The following EBF3 variants were observed in gnomAD, a reference collection of about 807,000 sequenced individuals.
The protein encoded by EBF3 is EBF transcription factor 3.
EBF3 carries 18 observed loss-of-function variants against 77.1 expected under a neutral mutation model. The ratio of observed to expected loss-of-function variants is 0.23; its 90% confidence interval spans 0.16 to 0.35. EBF3 has a LOEUF of 0.35. Among genes scored for constraint, EBF3 ranks in the 10% least tolerant of loss-of-function variants. The probability of loss-of-function intolerance (pLI) is 1.00; values close to 1 mark genes in which losing one functional copy is unlikely to be tolerated. For missense variants in EBF3, 558 were observed against 860.0 expected, an observed-to-expected ratio of 0.65 and a Z score of 4.39; for synonymous variants, 350 against 343.5, an observed-to-expected ratio of 1.02 and a Z score of -0.21.
At chr10:129,893,247 C>G (rs1029498046) in intron 6 of EBF3, among the ~76,000 whole-genome samples, 3 of 152,208 alleles carry the variant, frequency 2.0e-5, no homozygotes, top group Non-Finnish European at 4.4e-5. Flanking sequence ...TCACTATACT[C>G]CACTTGACAA....
intron 6 of EBF3, among the ~76,000 whole-genome samples, chr10:129,920,446 C>G (rs1856213656): frequency 6.6e-6 from 1 of 152,234 alleles, no homozygotes; most frequent in South Asian, 2.1e-4. Flanking sequence ...GGGCTGTCTC[C>G]TGCACCAAGG....
chr10:129,857,400 C>A (rs1333399526), intron 10 of EBF3, among the ~76,000 whole-genome samples: 2 of 152,140 alleles, frequency 1.3e-5, no homozygotes, highest in Admixed American at 1.3e-4. Context: ...GGCCTCCCCC[C>A]TCACAGCCCC....
intron 6 of EBF3, among the ~76,000 whole-genome samples, chr10:129,954,540 T>TAC (rs1858905538): frequency 6.6e-6 from 1 of 152,126 alleles, no homozygotes; most frequent in Non-Finnish European, 1.5e-5. Flanking sequence ...AGAATGTGAT[T>TAC]ACCCTGCCAG....
At chr10:129,884,083 T>C (rs920053904) in intron 6 of EBF3, among the ~76,000 whole-genome samples, 2 of 152,138 alleles carry the variant, frequency 1.3e-5, no homozygotes, top group African/African-American at 4.8e-5. Flanking sequence ...TTAAGAGACT[T>C]TTCCCTGACT....
chr10:129,921,615 G>A (rs952501565), intron 6 of EBF3, among the ~76,000 whole-genome samples: 6 of 152,288 alleles, frequency 3.9e-5, no homozygotes, highest in Admixed American at 6.5e-5. Flanking sequence ...GCCAGCCCAC[G>A]GCAGCCTGAG....
At position 129,842,290 on chromosome 10, in the gene EBF3, T is replaced by C. The variant is rs766959742; in HGVS notation, c.1198A>G (p.Ile400Val). The change falls in exon 13 of 17, where the codon ATC becomes GTC. Residue 400 changes from isoleucine to valine, a missense_variant. By Grantham distance (29) the Ile-to-Val change is conservative. This residue lies in a region of EBF3 where 284 missense variants were observed against 368.3 expected (regional missense o/e 0.77). Transcript: ENST00000440978. This position sits in a 1 kb window ranked among gnomAD's most constrained non-coding sequence, Gnocchi z 4.4. ...LYGMPHNNQE[I>V]ILKRAADIAE... is the part of the protein sequence containing the mutation. ...ATGTCCGCCGCTCGCTTCAAGATGATCTCCTGCAGCAGGAGCAAGTGGGAG... is the reference window on the plus strand; with the variant it reads ...ATGTCCGCCGCTCGCTTCAAGATGACCTCCTGCAGCAGGAGCAAGTGGGAG... 1.9e-6 allele frequency: 3 copies of C among 1,581,954 alleles called. No individual in the cohort carries two copies. Among genetic ancestry groups the C allele is most frequent in the African/African-American group, 1.4e-5 (1 of 73,986 alleles).
At chr10:129,906,959 C>T (rs1855190395) in intron 6 of EBF3, among the ~76,000 whole-genome samples, 1 of 152,180 alleles carries the variant, frequency 6.6e-6, no homozygotes, top group South Asian at 2.1e-4. Flanking sequence ...AACCCACCAG[C>T]ATGGCCAGAA....
intron 8 of EBF3, among the ~76,000 whole-genome samples, chr10:129,869,421 G>A (rs1024795985): frequency 2.1e-5 from 3 of 144,180 alleles, no homozygotes; most frequent in East Asian, 2.1e-4. Flanking sequence ...TCCTGGCTTT[G>A]CTCCCCCACG....
rs1468004887 is a variant in EBF3 at position 129,879,928 on chromosome 10, T to G, written c.555-2079A>C. 6.6e-6 allele frequency among the ~76,000 whole-genome samples: 1 copy of G among 152,134 alleles called. No homozygotes were observed. The highest frequency in any genetic ancestry group is 1.5e-5 in the Non-Finnish European group (1 of 68,016). On this transcript the variant is annotated intron_variant, in intron 6 of 16. Coordinates refer to ENST00000440978, the MANE Select transcript of EBF3 (RefSeq NM_001375380.1). This position sits in a 1 kb window ranked among gnomAD's most constrained non-coding sequence, Gnocchi z 4.7. Reference sequence around the variant, plus strand: ...CCACACATTACCACCCAGCTAATCTTCGGAGCAGGCGCCGGCCCGAGAAGC... The same window carrying G: ...CCACACATTACCACCCAGCTAATCTGCGGAGCAGGCGCCGGCCCGAGAAGC...
In EBF3 at chr10:129,943,860, C is replaced by T. The variant is rs80037546; in HGVS notation, c.554+13398G>A. ...CTCTCTGGAACCATATGTTCAGCAA[C>T]GTTATGGAGGGCGCTGGCCTTCGGC... On this transcript the variant is annotated intron_variant, in intron 6 of 16. Coordinates refer to ENST00000440978, the MANE Select transcript of EBF3 (RefSeq NM_001375380.1). The surrounding 1 kb of genome is among the most constrained non-coding windows in gnomAD (Gnocchi z 8.8). Among the ~76,000 whole-genome samples the T allele has an allele frequency of 0.019, 2,891 of 152,304 alleles. 40 individuals carry two copies. Among genetic ancestry groups the T allele is most frequent in the Non-Finnish European group, 0.029 (1,997 of 68,038 alleles).
intron 6 of EBF3, among the ~76,000 whole-genome samples, chr10:129,893,148 A>G (rs1390741710): frequency 1.3e-5 from 2 of 152,208 alleles, no homozygotes; most frequent in Non-Finnish European, 2.9e-5. Flanking sequence ...TTCATTCATC[A>G]ATTTCAGCTT....
intron 10 of EBF3, among the ~76,000 whole-genome samples, chr10:129,849,240 C>A (rs561194202): frequency 6.6e-6 from 1 of 152,358 alleles, no homozygotes; most frequent in Admixed American, 6.5e-5. Flanking sequence ...ATGGCTCTGC[C>A]TGACTCCAAC....
intron 10 of EBF3, among the ~76,000 whole-genome samples, chr10:129,860,834 C>T (rs1430584067): frequency 2.6e-5 from 4 of 152,202 alleles, no homozygotes; most frequent in African/African-American, 7.2e-5. Flanking sequence ...TATGATCCCA[C>T]TGGAGGAGCA....
At chr10:129,903,919 CCTTCCCATCTGTTCTTT>C (rs914129523) in intron 6 of EBF3, among the ~76,000 whole-genome samples, 3 of 152,166 alleles carry the variant, frequency 2.0e-5, no homozygotes, top group African/African-American at 7.2e-5. Flanking sequence ...AGTCCCCTCT[CCTTCCCATCTGTTCTTT>C]CTGTCCTCAA....
At position 129,952,440 on chromosome 10, in the gene EBF3, CA is replaced by C; in HGVS notation, c.554+4817del. On this transcript the variant is annotated intron_variant, in intron 6 of 16. Transcript: ENST00000440978. The surrounding 1 kb of genome is among the most constrained non-coding windows in gnomAD (Gnocchi z 4.7). ...CCTCCTTGACAGGCCGGGGCTTAGC[CA>C]AAATGTAAATGACATTAAAGAAGAC... 6.6e-6 allele frequency among the ~76,000 whole-genome samples: 1 copy of C among 152,162 alleles called. No homozygotes were observed. The highest frequency in any genetic ancestry group is 1.5e-5 in the Non-Finnish European group (1 of 68,030).
intron 6 of EBF3, among the ~76,000 whole-genome samples, chr10:129,945,407 G>C (rs1366777083): frequency 1.3e-5 from 2 of 152,156 alleles, no homozygotes; most frequent in African/African-American, 4.8e-5. Flanking sequence ...TAAAGCATTT[G>C]AAGAAAAATG....
rs1050389721 is a variant in EBF3 at position 129,872,577 on chromosome 10, A to G, written c.781+875T>C. 5.3e-5 allele frequency among the ~76,000 whole-genome samples: 8 copies of G among 152,136 alleles called. 1 individual carries two copies. Among genetic ancestry groups the G allele is most frequent in the Admixed American group, 4.6e-4 (7 of 15,276 alleles). On this transcript the variant is annotated intron_variant, in intron 8 of 16. Transcript: ENST00000440978. ...TAGAGGATTTGTCTTAAAACCATTT[A>G]GTTTTACAGGCTCTTTGCTCTAAAG...
At chr10:129,838,046 C>G in intron 16 of EBF3, 86 bp from the exon 17 acceptor site, 4 of 1,534,444 alleles carry the variant, frequency 2.6e-6, no homozygotes, top group Non-Finnish European at 2.7e-6. Flanking sequence ...CTGCCCTTCC[C>G]CCCTATTCAA....
chr10:129,867,049 C>G (rs1366901820), intron 10 of EBF3, 92 bp downstream of exon 10: 1 of 1,486,402 alleles, frequency 6.7e-7, no homozygotes, highest in Non-Finnish European at 9.0e-7. Context: ...CCCCTGCCCT[C>G]TCTGTACAGT....
Sources: allele counts gnomAD v4.1 joint callset (sites outside exome capture counted in the v4.1 genomes callset), GRCh38; gene constraint gnomAD v4.1.1; regional missense constraint gnomAD v4.1.1; non-coding constraint Gnocchi (gnomAD v3.1); transcripts MANE v1.5; gene names NCBI Gene and HGNC (gene_info 2026-07-23, HGNC 2026-07-21).